Variants in TBC1D5 observed in about 807,000 individuals in gnomAD.
The protein encoded by TBC1D5 is TBC1 domain family, member 5.
A neutral mutation model predicts 100.3 loss-of-function variants in TBC1D5; 75 were observed. That is an observed-to-expected ratio of 0.75 (90% CI 0.62 to 0.91). The LOEUF is 0.91. Among genes scored for constraint, TBC1D5 ranks in the 40% least tolerant of loss-of-function variants. The pLI is 0.00. For missense variants in TBC1D5, 910 were observed against 942.4 expected (o/e 0.97, Z 0.45); for synonymous variants, 323 against 325.6 (o/e 0.99, Z 0.09).
chr3:17,245,454 T>C (rs1336066764), intron 16 of TBC1D5, among the ~76,000 whole-genome samples: 1 of 151,692 alleles, frequency 6.6e-6, no homozygotes, highest in Non-Finnish European at 1.5e-5. Flanking sequence ...TCCTTTAGAG[T>C]TGAATTTCAA....
At chr3:17,699,702 C>T (rs2072834910) in intron 1 of TBC1D5, among the ~76,000 whole-genome samples, 1 of 146,914 alleles carries the variant, frequency 6.8e-6, no homozygotes. Context: ...CTTGGATTTA[C>T]ATATATAGTT....
rs546981506 is a variant in TBC1D5, at chr3:17,161,958, A to C, written c.2095-702T>G. ...CAAAGTATAATGGCAAAAAGTATAGAGATAGAATTGGTTTACTCAAAAATT... is the reference window on the plus strand; with the variant it reads ...CAAAGTATAATGGCAAAAAGTATAGCGATAGAATTGGTTTACTCAAAAATT... On this transcript the variant is annotated intron_variant, in intron 21 of 21. Coordinates refer to ENST00000253692, the Ensembl canonical transcript of TBC1D5. Among the ~76,000 whole-genome samples the C allele has an allele frequency of 1.2e-4, 18 of 152,240 alleles. No homozygotes were observed. In the East Asian group the frequency reaches 3.5e-3, roughly 30 times the overall value.
chr3:17,307,177 T>C (rs1164047474), intron 14 of TBC1D5, among the ~76,000 whole-genome samples: 2 of 152,214 alleles, frequency 1.3e-5, no homozygotes, highest in Non-Finnish European at 2.9e-5. Context: ...ACAGTCGCAA[T>C]TATAAATGAT....
chr3:17,576,969 C>T (rs2096661028), intron 2 of TBC1D5, among the ~76,000 whole-genome samples: 2 of 152,098 alleles, frequency 1.3e-5, no homozygotes, highest in Non-Finnish European at 2.9e-5. Flanking sequence ...GTAAAAGACA[C>T]AAATTTCTCT....
rs150596451 is a variant in TBC1D5 at position 17,286,381 on chromosome 3, T to G, written c.1245+5514A>C. Among the ~76,000 whole-genome samples, 159 of 152,332 alleles carry G rather than the reference T, an allele frequency of 1.0e-3. 1 individual carries two copies. Among genetic ancestry groups the G allele is most frequent in the Admixed American group, 8.6e-3 (132 of 15,298 alleles). On this transcript the variant is annotated intron_variant, in intron 15 of 21. Transcript: ENST00000253692. Reference sequence around the variant, plus strand: ...ATTTTCTATGACTTTTGTTTCTAATTGGGTTTTAACATTTTTTTTGAATGT... The same window carrying G: ...ATTTTCTATGACTTTTGTTTCTAATGGGGTTTTAACATTTTTTTTGAATGT...
At chr3:17,275,045 A>G (rs908597157) in intron 15 of TBC1D5, among the ~76,000 whole-genome samples, 3 of 152,234 alleles carry the variant, frequency 2.0e-5, no homozygotes, top group African/African-American at 7.2e-5. Flanking sequence ...TGAAGCAACC[A>G]TGGAGTAAAA....
intron 2 of TBC1D5, among the ~76,000 whole-genome samples, chr3:17,554,790 T>C (rs1433090950): frequency 6.6e-6 from 1 of 152,168 alleles, no homozygotes; most frequent in African/African-American, 2.4e-5. Context: ...GACAGTTTCC[T>C]TGTAATTCAT....
chr3:17,349,047 T>C (rs2090245264), intron 13 of TBC1D5, among the ~76,000 whole-genome samples: 1 of 152,260 alleles, frequency 6.6e-6, no homozygotes, highest in East Asian at 1.9e-4. Flanking sequence ...GAAACTCAAA[T>C]AGGTGGAGTT....
intron 3 of TBC1D5, among the ~76,000 whole-genome samples, chr3:17,434,027 T>C (rs1244040383): frequency 6.6e-6 from 1 of 152,222 alleles, no homozygotes; most frequent in Non-Finnish European, 1.5e-5. Flanking sequence ...TCCCACGGCC[T>C]TGGGTAGCTC....
At chr3:17,618,310 G>T (rs1301760612) in intron 2 of TBC1D5, among the ~76,000 whole-genome samples, 1 of 152,172 alleles carries the variant, frequency 6.6e-6, no homozygotes, top group Non-Finnish European at 1.5e-5. Context: ...TGAGGTGTCT[G>T]TCGGCCCATA....
chr3:17,312,633 T>C (rs1299894698), intron 13 of TBC1D5, among the ~76,000 whole-genome samples: 1 of 152,210 alleles, frequency 6.6e-6, no homozygotes, highest in African/African-American at 2.4e-5. Context: ...TTTTTGACTT[T>C]GGGAAAATTC....
intron 19 of TBC1D5, chr3:17,184,546 G>A (rs1408272737): frequency 6.6e-6 from 1 of 152,048 alleles, no homozygotes; most frequent in Non-Finnish European, 1.5e-5. Flanking sequence ...TTTTTGTTTA[G>A]AGAAAGAGTC....
chr3:17,591,389 C>G (rs920051346), intron 2 of TBC1D5, among the ~76,000 whole-genome samples: 1 of 151,778 alleles, frequency 6.6e-6, no homozygotes, highest in Non-Finnish European at 1.5e-5. Context: ...ACTATATTAC[C>G]GACAATTTAT....
At chr3:17,188,120 T>C (rs1300606134) in intron 18 of TBC1D5, among the ~76,000 whole-genome samples, 1 of 152,316 alleles carries the variant, frequency 6.6e-6, no homozygotes. Context: ...AAAGAGGGCC[T>C]CTTTCTCAAA....
At chr3:17,578,835 T>C (rs767433619) in intron 2 of TBC1D5, among the ~76,000 whole-genome samples, 7 of 152,050 alleles carry the variant, frequency 4.6e-5, no homozygotes, top group Non-Finnish European at 7.4e-5. Context: ...GTTCCAATAA[T>C]GCTAACATAT....
intron 3 of TBC1D5, among the ~76,000 whole-genome samples, chr3:17,446,697 C>T (rs1286452104): frequency 2.0e-5 from 3 of 152,172 alleles, no homozygotes; most frequent in Non-Finnish European, 2.9e-5. Flanking sequence ...TTGGGCCGGG[C>T]GCGGTGGCTC....
chr3:17,298,059 T>G (rs2082443227), intron 14 of TBC1D5, among the ~76,000 whole-genome samples: 1 of 152,200 alleles, frequency 6.6e-6, no homozygotes, highest in Admixed American at 6.5e-5. Context: ...TAAGCCTGAT[T>G]CATACATTTG....
At chr3:17,402,704 G>C (rs2093677699) in intron 8 of TBC1D5, among the ~76,000 whole-genome samples, 1 of 152,052 alleles carries the variant, frequency 6.6e-6, no homozygotes, top group Non-Finnish European at 1.5e-5. Flanking sequence ...CTTTTATATA[G>C]TAAATACTGA....
intron 2 of TBC1D5, among the ~76,000 whole-genome samples, chr3:17,605,564 A>C (rs1377558787): frequency 6.6e-6 from 1 of 152,246 alleles, no homozygotes; most frequent in African/African-American, 2.4e-5. Context: ...CAGTAGGAAC[A>C]AATATTTAAA....
Sources: allele counts gnomAD v4.1 joint callset (sites outside exome capture counted in the v4.1 genomes callset), GRCh38; gene constraint gnomAD v4.1.1; transcripts MANE v1.5; gene names NCBI Gene and HGNC (gene_info 2026-07-23, HGNC 2026-07-21).